KIAA0319: variants seen among roughly 807,000 people sequenced by gnomAD.
The protein encoded by KIAA0319 is KIAA0319, also known as dyslexia-associated protein KIAA0319.
In KIAA0319, 83 loss-of-function variants were observed where a neutral mutation model predicts 108.4. The observed-to-expected ratio is 0.77, with a 90% CI of 0.64 to 0.92. The LOEUF (loss-of-function observed/expected upper bound fraction) is 0.92. KIAA0319 is among the 40% of genes least tolerant of loss of function. The probability of loss-of-function intolerance (pLI) is 0.00; values close to 1 mark genes in which losing one functional copy is unlikely to be tolerated. For synonymous variants in KIAA0319, 484 were observed against 510.4 expected (o/e 0.95, Z 0.70); for missense variants, 1,195 against 1,322.4 (o/e 0.90, Z 1.49).
intron 1 of KIAA0319, among the ~76,000 whole-genome samples, chr6:24,622,220 G>A (rs981145527): frequency 6.6e-6 from 1 of 151,590 alleles, no homozygotes; most frequent in African/African-American, 2.4e-5. Context: ...ATCAATGAGT[G>A]GACAGCTACG....
At chr6:24,627,814 T>C (rs1451237991) in intron 1 of KIAA0319, among the ~76,000 whole-genome samples, 1 of 152,214 alleles carries the variant, frequency 6.6e-6, no homozygotes, top group African/African-American at 2.4e-5. Context: ...TAATGAACTG[T>C]TAATTAATCC....
At position 24,596,298 on chromosome 6, in the gene KIAA0319, G is replaced by T. The variant is rs148566925; in HGVS notation, c.376C>A (p.Pro126Thr). ...YGDMMLNRGSPSGIWGDSPED... is the reference protein window; with the variant it reads ...YGDMMLNRGSTSGIWGDSPED... ...GGTGAGTCCCCCCAGATCCCCGAGG[G>T]GGAGCCCCTGTTCAGCATCATGTCC... Residue 126 changes from proline to threonine, a missense_variant, in exon 3 of 21, where the codon CCC becomes ACC. By Grantham distance (38) the Pro-to-Thr change is conservative. Coordinates refer to ENST00000378214, the MANE Select transcript of KIAA0319 (RefSeq NM_014809.4). 7,460 of 1,614,154 alleles carry T rather than the reference G, an allele frequency of 4.6e-3. 19 individuals are homozygous for T. The highest frequency in any genetic ancestry group is 5.8e-3 in the Non-Finnish European group (6,857 of 1,179,992).
intron 1 of KIAA0319, among the ~76,000 whole-genome samples, chr6:24,614,344 C>T (rs1357932632): frequency 6.6e-6 from 1 of 152,164 alleles, no homozygotes; most frequent in Admixed American, 6.6e-5. Flanking sequence ...AAATATCCAG[C>T]TCAAAAGCCA....
At position 24,588,786 on chromosome 6, in the gene KIAA0319, C is replaced by T; in HGVS notation, c.802-1G>A. ...GAAGACTATGGGAAGGCATTAGAACCTACGAGATCAATTACAAGGATAAAT... is the reference window on the plus strand; with the variant it reads ...GAAGACTATGGGAAGGCATTAGAACTTACGAGATCAATTACAAGGATAAAT... On this transcript the variant is annotated splice_acceptor_variant, in intron 3 of 20. Coordinates refer to ENST00000378214, the MANE Select transcript of KIAA0319 (RefSeq NM_014809.4). LOFTEE classifies it high-confidence loss of function. 1 of 1,610,818 alleles carries T rather than the reference C, an allele frequency of 6.2e-7. No individual in the cohort carries two copies. Among genetic ancestry groups the T allele is most frequent in the Non-Finnish European group, 8.5e-7 (1 of 1,178,326 alleles).
At chr6:24,560,254 T>C (rs989269115) in intron 16 of KIAA0319, among the ~76,000 whole-genome samples, 1 of 152,226 alleles carries the variant, frequency 6.6e-6, no homozygotes, top group African/African-American at 2.4e-5. Context: ...GGTAGCTGTA[T>C]GCTTAGCATA....
At chr6:24,611,719 AC>A (rs1755714123) in intron 1 of KIAA0319, among the ~76,000 whole-genome samples, 1 of 152,196 alleles carries the variant, frequency 6.6e-6, no homozygotes, top group Non-Finnish European at 1.5e-5. Context: ...AACAGACAGA[AC>A]ATAGAAAAGA....
chr6:24,547,122 C>T lies in KIAA0319; in HGVS notation c.*43G>A. 1.2e-6 allele frequency: 2 copies of T among 1,601,998 alleles called. No homozygotes were observed. Among genetic ancestry groups the T allele is most frequent in the South Asian group, 2.2e-5 (2 of 90,212 alleles). ...TGTGCTGTAACTCCCACTGACTGGT[C>T]TTGGATTCAAGGGGTCCTTCCACTT... On this transcript the variant is annotated 3_prime_UTR_variant, in exon 21 of 21. Coordinates refer to ENST00000378214, the MANE Select transcript of KIAA0319 (RefSeq NM_014809.4).
chr6:24,620,350 A>C (rs1000051148), intron 1 of KIAA0319, among the ~76,000 whole-genome samples: 2 of 152,150 alleles, frequency 1.3e-5, no homozygotes, highest in Admixed American at 1.3e-4. Context: ...GCCCAGGCTG[A>C]AGTGCAGTGG....
At chr6:24,591,237 C>T (rs980763762) in intron 3 of KIAA0319, among the ~76,000 whole-genome samples, 1 of 151,904 alleles carries the variant, frequency 6.6e-6, no homozygotes, top group African/African-American at 2.4e-5. Flanking sequence ...GTGTAAATAC[C>T]CAGAAGTGGA....
chr6:24,551,386 G>A (rs1354055907), intron 20 of KIAA0319, 48 bp downstream of exon 20: 1 of 1,347,162 alleles, frequency 7.4e-7, no homozygotes, highest in African/African-American at 1.4e-5. Context: ...GCCTACCTAG[G>A]TTAAATCATA....
intron 16 of KIAA0319, among the ~76,000 whole-genome samples, chr6:24,561,110 T>C (rs1763044227): frequency 6.6e-6 from 1 of 152,260 alleles, no homozygotes; most frequent in African/African-American, 2.4e-5. Flanking sequence ...TTATGGTCTA[T>C]AAACCTTGTA....
intron 13 of KIAA0319, 24 bp downstream of exon 13, chr6:24,568,757 C>CCTGT: frequency 6.2e-7 from 1 of 1,610,372 alleles, no homozygotes; most frequent in Non-Finnish European, 8.5e-7. Flanking sequence ...CAGGCCCAGC[C>CCTGT]CTGTCCACCT....
chr6:24,563,352 C>A lies in KIAA0319; in HGVS notation c.2591+7G>T. ...CCAAGGCCCCGCCTTGAGTGTGCAG[C>A]TCCTACCTGAGATCCGAGTGGGCCC... is the stretch of plus-strand genomic sequence containing the variant. On this transcript the variant is annotated splice_region_variant and intron_variant, in intron 16 of 20. Coordinates refer to ENST00000378214, the MANE Select transcript of KIAA0319 (RefSeq NM_014809.4). The A allele has an allele frequency of 6.2e-7, 1 of 1,610,358 alleles. No individual in the cohort carries two copies. Among genetic ancestry groups the A allele is most frequent in the Non-Finnish European group, 8.5e-7 (1 of 1,178,104 alleles).
intron 10 of KIAA0319, among the ~76,000 whole-genome samples, 184 bp downstream of exon 10, chr6:24,576,184 G>A (rs538247092): frequency 6.6e-5 from 10 of 152,336 alleles, no homozygotes; most frequent in Admixed American, 5.2e-4. Flanking sequence ...CTAAGTGGGC[G>A]AGGGGAAGGG....
chr6:24,598,074 C>T, intron 2 of KIAA0319: 1 of 405,162 alleles, frequency 2.5e-6, no homozygotes, highest in Non-Finnish European at 4.7e-6. Context: ...GGGCCTTCAG[C>T]AGCCACTCCT....
rs533033754 is a variant in KIAA0319, at chr6:24,571,920, T to C, written c.1858+655A>G. The stretch of plus-strand genomic sequence containing the variant: ...AGAGCGCCAATCACAGAGTTTTATG[T>C]GAACTTCTCCATAAGCCCTGCAAGG... On this transcript the variant is annotated intron_variant, in intron 11 of 20. Coordinates refer to ENST00000378214, the MANE Select transcript of KIAA0319 (RefSeq NM_014809.4). Among the ~76,000 whole-genome samples the C allele has an allele frequency of 2.0e-5, 3 of 152,390 alleles. No individual in the cohort carries two copies. The East Asian group carries it at 5.8e-4, about 29-fold the overall frequency.
chr6:24,621,335 G>A (rs1773901644), intron 1 of KIAA0319, among the ~76,000 whole-genome samples: 2 of 152,162 alleles, frequency 1.3e-5, no homozygotes, highest in African/African-American at 4.8e-5. Flanking sequence ...AAGCTTGAGA[G>A]AAGCAGGGTG....
rs982974215 is a variant in KIAA0319, at chr6:24,582,270, CT to C, written c.1169del (p.Lys390SerfsTer46). 8.1e-6 allele frequency: 13 copies of C among 1,602,412 alleles called. No individual in the cohort carries two copies. In the African/African-American group the frequency reaches 1.2e-4, roughly 15 times the overall value. ...TTACTTGAGAGAGGTTAAGAGTTTG[CT>C]TGTGTCCTTGTTTTATTTCACCTTG... ...DYQGEIKQGH[K>X]QTLNLSQLSV... is the part of the protein sequence containing the mutation. On this transcript the variant is annotated frameshift_variant, in exon 6 of 21. Transcript: ENST00000378214. LOFTEE classifies it high-confidence loss of function.
intron 1 of KIAA0319, among the ~76,000 whole-genome samples, chr6:24,619,424 C>CA (rs1773610745): frequency 6.6e-6 from 1 of 152,048 alleles, no homozygotes; most frequent in African/African-American, 2.4e-5. Context: ...AGGTGTGACA[C>CA]AAAAACAAGA....
Sources: gnomAD v4.1 joint callset for allele counts (sites outside exome capture counted in the v4.1 genomes callset) on GRCh38, gnomAD v4.1.1 for gene constraint, MANE v1.5 for transcripts, NCBI Gene and HGNC (gene_info 2026-07-23, HGNC 2026-07-21) for gene names.